Variants in GRID2 observed in about 807,000 individuals in gnomAD.
The protein encoded by GRID2 is glutamate receptor ionotropic, delta-2.
In GRID2, 33 loss-of-function variants were observed where a neutral mutation model predicts 114.8. The ratio of observed to expected loss-of-function variants is 0.29; its 90% CI spans 0.22 to 0.38. The LOEUF is 0.38. Among genes scored for constraint, GRID2 ranks in the 10% least tolerant of loss-of-function variants. The pLI, the probability that GRID2 is intolerant of heterozygous loss-of-function variation, is 1.00. For missense variants in GRID2, 1,184 were observed against 1,257.7 expected (o/e 0.94, Z 0.89); for synonymous variants, 505 against 449.9 (o/e 1.12, Z -1.55).
intron 2 of GRID2, among the ~76,000 whole-genome samples, chr4:92,958,747 TA>T (rs1752596894): frequency 6.6e-6 from 1 of 152,082 alleles, no homozygotes; most frequent in Non-Finnish European, 1.5e-5. Flanking sequence ...AAAATTGGTA[TA>T]ATTTCTTCCT....
chr4:93,124,611 T>A (rs996793251), intron 4 of GRID2, among the ~76,000 whole-genome samples: 3 of 152,192 alleles, frequency 2.0e-5, no homozygotes, highest in Non-Finnish European at 4.4e-5. Flanking sequence ...CAGAACTTAA[T>A]CAATTCCTTA....
chr4:92,897,440 G>A (rs992588495), intron 2 of GRID2, among the ~76,000 whole-genome samples: 3 of 152,066 alleles, frequency 2.0e-5, no homozygotes, highest in Non-Finnish European at 4.4e-5. Context: ...TAAAAAAAAA[G>A]TAAGTTAGAA....
chr4:93,209,791 A>G (rs1419091975), intron 5 of GRID2, among the ~76,000 whole-genome samples: 3 of 152,114 alleles, frequency 2.0e-5, no homozygotes, highest in Non-Finnish European at 4.4e-5. Context: ...AATAATAGCC[A>G]TTATGACTGG....
intron 1 of GRID2, among the ~76,000 whole-genome samples, chr4:92,534,668 C>T (rs1295495421): frequency 5.9e-5 from 9 of 152,100 alleles, no homozygotes; most frequent in African/African-American, 2.2e-4. Context: ...GCATTTTTCC[C>T]TATGAATCCA....
intron 1 of GRID2, among the ~76,000 whole-genome samples, chr4:92,404,504 A>G (rs1027362400): frequency 6.6e-6 from 1 of 152,200 alleles, no homozygotes; most frequent in Non-Finnish European, 1.5e-5. Context: ...AGAACCAGAA[A>G]TACCATTAGA....
intron 2 of GRID2, among the ~76,000 whole-genome samples, chr4:92,905,576 T>C (rs1187480885): frequency 6.6e-6 from 1 of 152,068 alleles, no homozygotes; most frequent in Admixed American, 6.6e-5. Context: ...CAATATGGTA[T>C]TTACCAGCTA....
chr4:92,860,911 T>C (rs1030152618), intron 2 of GRID2, among the ~76,000 whole-genome samples: 1 of 152,074 alleles, frequency 6.6e-6, no homozygotes, highest in African/African-American at 2.4e-5. Context: ...AAAGAGCTAA[T>C]AGTTTAGGAA....
chr4:93,540,574 A>T (rs1235136410), intron 13 of GRID2, among the ~76,000 whole-genome samples: 3 of 152,196 alleles, frequency 2.0e-5, no homozygotes, highest in African/African-American at 7.2e-5. Context: ...TTGGCAAAAT[A>T]GGGTTACAAA....
chr4:93,444,858 G>A (rs1189721730), intron 10 of GRID2, among the ~76,000 whole-genome samples: 1 of 151,968 alleles, frequency 6.6e-6, no homozygotes, highest in Non-Finnish European at 1.5e-5. Flanking sequence ...ATAGAAAAGA[G>A]TCTAAAAGAA....
intron 8 of GRID2, among the ~76,000 whole-genome samples, chr4:93,285,641 A>T (rs1353336981): frequency 6.6e-6 from 1 of 152,048 alleles, no homozygotes; most frequent in Non-Finnish European, 1.5e-5. Flanking sequence ...GAAAGTAAGT[A>T]TAAACTCTCA....
rs1447757739 is a variant in GRID2 at position 92,376,347 on chromosome 4, T to A, written c.88+71603T>A. On this transcript the variant is annotated intron_variant, in intron 1 of 15. Coordinates refer to ENST00000282020, the MANE Select transcript of GRID2 (RefSeq NM_001510.4). ...TATTAAAACTCGAAAATGACCTCCT[T>A]CATATCTCACATCCAGGTCATGCTG... Among the ~76,000 whole-genome samples the A allele has an allele frequency of 2.0e-5, 3 of 152,004 alleles. No homozygotes were observed. The East Asian group carries it at 5.8e-4, about 30-fold the overall frequency.
chr4:93,350,820 A>G (rs954862526), intron 8 of GRID2, among the ~76,000 whole-genome samples: 1 of 152,080 alleles, frequency 6.6e-6, no homozygotes, highest in Non-Finnish European at 1.5e-5. Flanking sequence ...TTTAATGTTT[A>G]TCACTGTATT....
At chr4:93,056,403 C>T (rs1189827650) in intron 2 of GRID2, among the ~76,000 whole-genome samples, 1 of 151,756 alleles carries the variant, frequency 6.6e-6, no homozygotes, top group African/African-American at 2.4e-5. Flanking sequence ...GAATCAGCCA[C>T]TGCGTGATTG....
At chr4:92,595,360 T>C (rs1728898452) in intron 2 of GRID2, among the ~76,000 whole-genome samples, 1 of 151,960 alleles carries the variant, frequency 6.6e-6, no homozygotes, top group Non-Finnish European at 1.5e-5. Context: ...AAACTCTTAT[T>C]GTAATATGCA....
chr4:93,582,328 A>G (rs1380760940), intron 13 of GRID2, among the ~76,000 whole-genome samples: 3 of 152,114 alleles, frequency 2.0e-5, no homozygotes, highest in Non-Finnish European at 2.9e-5. Flanking sequence ...GTCCTTTAAG[A>G]TTAGGCCCAA....
intron 8 of GRID2, among the ~76,000 whole-genome samples, chr4:93,333,001 A>G (rs1053130374): frequency 2.0e-5 from 3 of 152,108 alleles, no homozygotes; most frequent in African/African-American, 7.2e-5. Context: ...TTCCTAGAAG[A>G]TTAGGCCATT....
At chr4:93,218,523 T>C (rs957495243) in intron 6 of GRID2, among the ~76,000 whole-genome samples, 2 of 152,022 alleles carry the variant, frequency 1.3e-5, no homozygotes, top group Non-Finnish European at 2.9e-5. Context: ...AATAAATAGA[T>C]ATGTCCCTTC....
At chr4:92,882,412 A>G (rs1456359) in intron 2 of GRID2, among the ~76,000 whole-genome samples, 50,631 of 152,114 alleles carry the variant, frequency 0.33, 9,222 homozygotes, top group Middle Eastern at 0.52. Flanking sequence ...AGACTTTTAA[A>G]TAATGTAAGA....
chr4:93,772,297 C>T lies in GRID2; in HGVS notation c.2823C>T (p.Ser941=), dbSNP rs1482078321. ...TFIPEQIQTL[S]RTLSAKAASG... is the part of the protein sequence containing the mutation. The stretch of plus-strand genomic sequence containing the variant: ...TCCCAGAGCAGATCCAGACTCTTAG[C>T]CGCACACTGTCAGCTAAAGCTGCTT... The change falls in exon 16 of 16, where the codon AGC becomes AGT. Residue 941 remains serine (S), a synonymous_variant. Transcript: ENST00000282020. The T allele has an allele frequency of 1.2e-6, 2 of 1,614,022 alleles. No homozygotes were observed. The highest frequency in any genetic ancestry group is 1.7e-6 in the Non-Finnish European group (2 of 1,179,998).
Sources: gnomAD v4.1 joint callset for allele counts (sites outside exome capture counted in the v4.1 genomes callset) on GRCh38, gnomAD v4.1.1 for gene constraint, MANE v1.5 for transcripts, NCBI Gene and HGNC (gene_info 2026-07-23, HGNC 2026-07-21) for gene names.